Variants in MEPCE observed in about 807,000 individuals in gnomAD.
The protein encoded by MEPCE is methylphosphate capping enzyme.
MEPCE carries 9 observed loss-of-function variants against 52.3 expected under a neutral mutation model. The observed-to-expected ratio is 0.17, with a 90% CI of 0.10 to 0.30. The LOEUF is 0.30. MEPCE is among the 10% of genes least tolerant of loss of function. The pLI is 1.00. For missense variants in MEPCE, 826 were observed against 933.0 expected, an observed-to-expected ratio of 0.89 and a Z score of 1.49; for synonymous variants, 477 against 401.6, an observed-to-expected ratio of 1.19 and a Z score of -2.25.
Position 100,429,850 on chromosome 7 carries a change from G to T in MEPCE, c.-169G>T. On this transcript the variant is annotated 5_prime_UTR_variant, in exon 1 of 4. Coordinates refer to ENST00000310512, the MANE Select transcript of MEPCE (RefSeq NM_019606.6). The stretch of plus-strand genomic sequence containing the variant: ...GCGGGCCTCTTGTTTTGGTCTCGCG[G>T]GCTAGTAGGGCGCACTTGGCGGGGA... The T allele has an allele frequency of 2.0e-6, 1 of 496,660 alleles. No homozygotes were observed. The highest frequency in any genetic ancestry group is 3.2e-6 in the Non-Finnish European group (1 of 316,626). The allele number at this position is 496,660 out of a possible 1,614,324, so 30.8% of individuals were successfully genotyped here.
intron 1 of MEPCE, 132 bp from the exon 2 acceptor site, chr7:100,432,787 A>T (rs2131007615): frequency 1.3e-6 from 1 of 772,912 alleles, no homozygotes; most frequent in Non-Finnish European, 2.2e-6. Context: ...ACCTTTTGGG[A>T]GTTAGTCTGA....
chr7:100,433,153 G>A lies in MEPCE; in HGVS notation c.1890+16G>A, dbSNP rs766483624. On this transcript the variant is annotated intron_variant, in intron 2 of 3. Transcript: ENST00000310512. Reference sequence around the variant, plus strand: ...GACTCTTACAGTGAGTTGGGTGTTGGGGGAATAGTCATTCCTTTGGTTGAG... The same window carrying A: ...GACTCTTACAGTGAGTTGGGTGTTGAGGGAATAGTCATTCCTTTGGTTGAG... The A allele has an allele frequency of 1.4e-5, 23 of 1,613,610 alleles. No homozygotes were observed. Among genetic ancestry groups the A allele is most frequent in the Non-Finnish European group, 1.9e-5 (23 of 1,179,838 alleles).
In MEPCE at chr7:100,430,918, ACAG is replaced by A. The variant is rs1798662786; in HGVS notation, c.905_907del (p.Gln302del). 2 of 1,608,802 alleles carry A rather than the reference ACAG, an allele frequency of 1.2e-6. No individual in the cohort carries two copies. The highest frequency in any genetic ancestry group is 1.7e-6 in the Non-Finnish European group (2 of 1,176,832). On this transcript the variant is annotated inframe_deletion, in exon 1 of 4. Transcript: ENST00000310512. ...CCTTACTCCACGGGGAGGGCGCCTCACAGCAGCCGCGGCACAGGGGCCAGAACC... is the reference window on the plus strand; with the variant it reads ...CCTTACTCCACGGGGAGGGCGCCTCACAGCCGCGGCACAGGGGCCAGAACC...
intron 1 of MEPCE, among the ~76,000 whole-genome samples, chr7:100,432,665 T>C (rs900911925): frequency 6.6e-6 from 1 of 152,200 alleles, no homozygotes; most frequent in Non-Finnish European, 1.5e-5. Context: ...ATGGATAATT[T>C]GCACCATTTA....
chr7:100,429,964 G>T lies in MEPCE; in HGVS notation c.-55G>T. On this transcript the variant is annotated 5_prime_UTR_variant, in exon 1 of 4. Coordinates refer to ENST00000310512, the MANE Select transcript of MEPCE (RefSeq NM_019606.6). ...AGGGAGCAGGGTCCAGGCAGGGGGG[G>T]TTAGGCCCCCTGATCCCCCTCGTTA... 8.3e-7 allele frequency: 1 copy of T among 1,200,214 alleles called. No homozygotes were observed. The highest frequency in any genetic ancestry group is 1.0e-6 in the Non-Finnish European group (1 of 955,166). 74.3% of individuals were successfully genotyped at this position (1,200,214 alleles called of 1,614,324 possible).
At position 100,430,158 on chromosome 7, in the gene MEPCE, C is replaced by T. The variant is rs1341381648; in HGVS notation, c.140C>T (p.Thr47Met). The T allele has an allele frequency of 1.8e-5, 23 of 1,284,008 alleles. No individual in the cohort carries two copies. Among genetic ancestry groups the T allele is most frequent in the Middle Eastern group, 2.6e-4 (1 of 3,796 alleles). The allele number at this position is 1,284,008 out of a possible 1,614,324, so 79.5% of individuals were successfully genotyped here. The change falls in exon 1 of 4, where the codon ACG becomes ATG. Residue 47 changes from threonine (T) to methionine (M), a missense_variant. This residue lies in a region of MEPCE where 314 missense variants were observed against 277.7 expected (regional missense o/e 1.13). Coordinates refer to ENST00000310512, the MANE Select transcript of MEPCE (RefSeq NM_019606.6). ...GCCTCTGGGGAGCTCCGCGGCGGGA[C>T]GGAGCGTGGTCCGGGTCGTTGCGCG... ...EAASGELRGG[T>M]ERGPGRCAPS...
In MEPCE at chr7:100,431,435, C is replaced by G. The variant is rs777988935; in HGVS notation, c.1417C>G (p.Leu473Val). 1 of 1,614,054 alleles carries G rather than the reference C, an allele frequency of 6.2e-7. No individual in the cohort carries two copies. Among genetic ancestry groups the G allele is most frequent in the South Asian group, 1.1e-5 (1 of 91,086 alleles). Residue 473 changes from leucine to valine, a missense_variant, in exon 1 of 4, where the codon CTG becomes GTG. Coordinates refer to ENST00000310512, the MANE Select transcript of MEPCE (RefSeq NM_019606.6). ...CKWGPSRMVGLDIDSRLIHSA... is the reference protein window; with the variant it reads ...CKWGPSRMVGVDIDSRLIHSA... The stretch of plus-strand genomic sequence containing the variant: ...GTGGGGCCCGTCCCGCATGGTGGGC[C>G]TGGATATCGATTCCCGGCTCATCCA...
rs142144888 is a variant in MEPCE at position 100,433,122 on chromosome 7, G to A, written c.1875G>A (p.Lys625=). The change falls in exon 2 of 4, where the codon AAG becomes AAA. Residue 625 remains lysine, a synonymous_variant. Coordinates refer to ENST00000310512, the MANE Select transcript of MEPCE (RefSeq NM_019606.6). Reference sequence around the variant, plus strand: ...CCCAACCCTGGTCGTCGTATGGCAAGAGAAAGACTCTTACAGTGAGTTGGG... The same window carrying A: ...CCCAACCCTGGTCGTCGTATGGCAAAAGAAAGACTCTTACAGTGAGTTGGG... The part of the protein sequence containing the change: ...LEPQPWSSYG[K]RKTLTETIYK... The A allele has an allele frequency of 8.2e-4, 1,322 of 1,613,982 alleles. No homozygotes were observed. The highest frequency in any genetic ancestry group is 1.3e-3 in the Admixed American group (77 of 60,034).
At position 100,430,662 on chromosome 7, in the gene MEPCE, A is replaced by T; in HGVS notation, c.644A>T (p.Lys215Met). ...VSRTLNAETP[K>M]SSPLPAKGRD... is the part of the protein sequence containing the mutation. ...CGCACTCTCAACGCGGAGACCCCTA[A>T]GTCATCCCCCCTTCCGGCCAAAGGG... The change falls in exon 1 of 4, where the codon AAG becomes ATG. Residue 215 changes from lysine to methionine, a missense_variant. Physicochemically the swap from Lys to Met is moderately conservative, Grantham distance 95. Transcript: ENST00000310512. 6.2e-7 allele frequency: 1 copy of T among 1,613,794 alleles called. No homozygotes were observed. The highest frequency in any genetic ancestry group is 8.5e-7 in the Non-Finnish European group (1 of 1,179,996).
rs1798547094 is a variant in MEPCE, at chr7:100,429,986, G to T, written c.-33G>T. On this transcript the variant is annotated 5_prime_UTR_variant, in exon 1 of 4. Transcript: ENST00000310512. ...GGGGTTAGGCCCCCTGATCCCCCTCGTTACCCCGACTGGCACGGAATAAGG... is the reference window on the plus strand; with the variant it reads ...GGGGTTAGGCCCCCTGATCCCCCTCTTTACCCCGACTGGCACGGAATAAGG... The T allele has an allele frequency of 1.6e-6, 2 of 1,241,586 alleles. No homozygotes were observed. The highest frequency in any genetic ancestry group is 7.2e-5 in the South Asian group (2 of 27,950). The allele number at this position is 1,241,586 out of a possible 1,614,324, so 76.9% of individuals were successfully genotyped here. A position where few individuals can be genotyped will look rare whatever the true frequency, so the allele number is the denominator to read the frequency against.
chr7:100,429,992 C>T lies in MEPCE; in HGVS notation c.-27C>T. 2 of 1,246,120 alleles carry T rather than the reference C, an allele frequency of 1.6e-6. No homozygotes were observed. The highest frequency in any genetic ancestry group is 2.0e-6 in the Non-Finnish European group (2 of 994,494). The allele number at this position is 1,246,120 out of a possible 1,614,324, so 77.2% of individuals were successfully genotyped here. On this transcript the variant is annotated 5_prime_UTR_variant, in exon 1 of 4. Transcript: ENST00000310512. ...AGGCCCCCTGATCCCCCTCGTTACC[C>T]CGACTGGCACGGAATAAGGGGAGGA...
chr7:100,429,502 C>T (rs542990008), upstream of MEPCE: 1 of 152,764 alleles, frequency 6.5e-6, no homozygotes, highest in Admixed American at 6.5e-5. Context: ...CAGCTCCCGT[C>T]CCCCGCCTAC....
At chr7:100,431,745 T>A in intron 1 of MEPCE, 56 bp downstream of exon 1, 1 of 1,447,886 alleles carries the variant, frequency 6.9e-7, no homozygotes, top group Non-Finnish European at 9.2e-7. Flanking sequence ...TGAGATTAAA[T>A]GGGAATGTAG....
At position 100,431,450 on chromosome 7, in the gene MEPCE, C is replaced by G; in HGVS notation, c.1432C>G (p.Arg478Gly). The G allele has an allele frequency of 6.2e-7, 1 of 1,613,930 alleles. No individual in the cohort carries two copies. ...CATGGTGGGCCTGGATATCGATTCC[C>G]GGCTCATCCATTCTGCCCGCCAAAA... ...SRMVGLDIDS[R>G]LIHSARQNIR... Residue 478 changes from arginine to glycine, a missense_variant, in exon 1 of 4, where the codon CGG becomes GGG. Arg to Gly is a moderately radical substitution (Grantham distance 125). This residue lies in a region of MEPCE where 107 missense variants were observed against 157.9 expected (regional missense o/e 0.68). Transcript: ENST00000310512.
intron 1 of MEPCE, among the ~76,000 whole-genome samples, 195 bp from the exon 2 acceptor site, chr7:100,432,724 G>A (rs896309860): frequency 6.6e-6 from 1 of 152,218 alleles, no homozygotes; most frequent in African/African-American, 2.4e-5. Flanking sequence ...CCAGTAGGAA[G>A]AAGCAGAGGC....
At chr7:100,433,183 G>A (rs1798770315) in intron 2 of MEPCE, 46 bp downstream of exon 2, 2 of 1,612,978 alleles carry the variant, frequency 1.2e-6, no homozygotes, top group South Asian at 1.1e-5. Context: ...GTTGAGGCAA[G>A]AAAAGGCCCC....
chr7:100,433,439 C>G, intron 3 of MEPCE, 50 bp downstream of exon 3: 1 of 1,613,958 alleles, frequency 6.2e-7, no homozygotes, highest in Non-Finnish European at 8.5e-7. Flanking sequence ...TGAAAGAGTG[C>G]AGACCCCCAT....
chr7:100,432,345 C>CCAGTTAGGCTGCCTACA, intron 1 of MEPCE, among the ~76,000 whole-genome samples: 1 of 152,292 alleles, frequency 6.6e-6, no homozygotes. Context: ...AGAGAACACT[C>CCAGTTAGGCTGCCTACA]CAGTTAGGCT....
rs774687381 is a variant in MEPCE, at chr7:100,430,972, C to T, written c.954C>T (p.Leu318=). The T allele has an allele frequency of 8.5e-5, 137 of 1,611,436 alleles. 1 individual carries two copies. The highest frequency in any genetic ancestry group is 1.1e-4 in the Non-Finnish European group (129 of 1,178,514). ...QNRDAPQPYE[L]NTAINCRDEV... ...GGGATGCCCCCCAACCCTATGAACT[C>T]AACACAGCCATCAACTGCAGGGATG... Residue 318 remains leucine (L), a synonymous_variant, in exon 1 of 4, where the codon CTC becomes CTT. Coordinates refer to ENST00000310512, the MANE Select transcript of MEPCE (RefSeq NM_019606.6).
Sources: allele counts gnomAD v4.1 joint callset (sites outside exome capture counted in the v4.1 genomes callset), GRCh38; gene constraint gnomAD v4.1.1; regional missense constraint gnomAD v4.1.1; transcripts MANE v1.5; gene names NCBI Gene and HGNC (gene_info 2026-07-23, HGNC 2026-07-21).